Variants in SLC6A18 observed in about 807,000 individuals in gnomAD.
The protein encoded by SLC6A18 is solute carrier family 6 member 18.
SLC6A18 carries 58 observed loss-of-function variants against 62.9 expected under a neutral mutation model. That is an observed-to-expected ratio of 0.92 (90% confidence interval 0.75 to 1.15). SLC6A18 has a LOEUF of 1.15. Among genes scored for constraint, SLC6A18 ranks in the 50% most tolerant of loss-of-function variants. The pLI, the probability that SLC6A18 is intolerant of heterozygous loss-of-function variation, is 0.00. For synonymous variants in SLC6A18, 382 were observed against 365.8 expected, an observed-to-expected ratio of 1.04 and a Z score of -0.51; for missense variants, 793 against 836.6, an observed-to-expected ratio of 0.95 and a Z score of 0.64.
chr5:1,230,725 C>T (rs545759521), intron 1 of SLC6A18, among the ~76,000 whole-genome samples: 38 of 152,264 alleles, frequency 2.5e-4, no homozygotes, highest in African/African-American at 7.9e-4. Flanking sequence ...ATGCCAGGCG[C>T]GGAGACGCAC....
At chr5:1,227,003 T>A (rs1218094150) in intron 1 of SLC6A18, among the ~76,000 whole-genome samples, 1 of 116,144 alleles carries the variant, frequency 8.6e-6, no homozygotes, top group South Asian at 2.9e-4. Context: ...TGCCCACCGA[T>A]GCCTTGCCCG....
intron 3 of SLC6A18, among the ~76,000 whole-genome samples, chr5:1,233,489 G>GAAAA (rs1746791180): frequency 6.6e-6 from 1 of 151,572 alleles, no homozygotes; most frequent in African/African-American, 2.4e-5. Flanking sequence ...AAAAACAATC[G>GAAAA]AACAAACAAA....
At chr5:1,232,957 A>G in intron 3 of SLC6A18, 69 bp downstream of exon 3, 1 of 1,535,612 alleles carries the variant, frequency 6.5e-7, no homozygotes, top group Non-Finnish European at 8.8e-7. Context: ...CAGCGTGTCC[A>G]GCATCAGAGC....
intron 9 of SLC6A18, 42 bp from the exon 10 acceptor site, chr5:1,244,172 C>T (rs1402204421): frequency 1.3e-6 from 1 of 789,384 alleles, no homozygotes; most frequent in Admixed American, 2.0e-5. Context: ...CACCTCCACT[C>T]CCCATCCCCT....
chr5:1,242,981 C>T, intron 8 of SLC6A18, 118 bp downstream of exon 8: 1 of 1,221,048 alleles, frequency 8.2e-7, no homozygotes, highest in Non-Finnish European at 1.1e-6. Context: ...AGGGCCAGGG[C>T]CTGTGAACCA....
intron 4 of SLC6A18, among the ~76,000 whole-genome samples, chr5:1,236,445 C>T (rs537851813): frequency 5.3e-5 from 8 of 152,190 alleles, no homozygotes; most frequent in Non-Finnish European, 1.0e-4. Flanking sequence ...AAGCGATTAT[C>T]TTTCAAAGAG....
At chr5:1,228,948 G>GA (rs1227015394) in intron 1 of SLC6A18, among the ~76,000 whole-genome samples, 1 of 152,170 alleles carries the variant, frequency 6.6e-6, no homozygotes, top group African/African-American at 2.4e-5. Flanking sequence ...TTCAAATTCG[G>GA]AAAAAATGCA....
intron 1 of SLC6A18, among the ~76,000 whole-genome samples, chr5:1,231,809 C>T (rs1251113896): frequency 6.6e-6 from 1 of 152,196 alleles, no homozygotes; most frequent in Non-Finnish European, 1.5e-5. Context: ...TGTGATTCCG[C>T]CAGGCCCCTG....
intron 1 of SLC6A18, among the ~76,000 whole-genome samples, chr5:1,230,509 C>T (rs893446182): frequency 6.6e-6 from 1 of 152,186 alleles, no homozygotes; most frequent in Non-Finnish European, 1.5e-5. Flanking sequence ...GGACAAGAGC[C>T]GTCCGGCCCC....
chr5:1,232,531 G>A (rs1746759813), intron 2 of SLC6A18, among the ~76,000 whole-genome samples, 172 bp downstream of exon 2: 1 of 152,194 alleles, frequency 6.6e-6, no homozygotes, highest in Admixed American at 6.5e-5. Flanking sequence ...CGGTGACTCG[G>A]GGAGAATTAG....
chr5:1,233,916 T>C (rs1746810873), intron 3 of SLC6A18, among the ~76,000 whole-genome samples: 1 of 152,090 alleles, frequency 6.6e-6, no homozygotes, highest in African/African-American at 2.4e-5. Flanking sequence ...TAATTTTTTG[T>C]ATTTTTAGTA....
At chr5:1,242,250 G>C (rs1333130989) in intron 7 of SLC6A18, among the ~76,000 whole-genome samples, 1 of 152,224 alleles carries the variant, frequency 6.6e-6, no homozygotes, top group African/African-American at 2.4e-5. Context: ...CAGGGGGGTA[G>C]AGAACAGCTT....
intron 4 of SLC6A18, among the ~76,000 whole-genome samples, chr5:1,236,742 G>A (rs2126534671): frequency 6.9e-6 from 1 of 145,704 alleles, no homozygotes; most frequent in East Asian, 1.9e-4. Context: ...CAGTGTCTCA[G>A]GACGCCAGTG....
At position 1,241,450 on chromosome 5, in the gene SLC6A18, A is replaced by G. The variant is rs74829122; in HGVS notation, c.974+791A>G. Among the ~76,000 whole-genome samples the G allele has an allele frequency of 0.046, 7,013 of 152,294 alleles. 201 individuals carry two copies. The highest frequency in any genetic ancestry group is 0.13 in the Middle Eastern group (38 of 294). ...CCGAGGATACCTCGCAGCACCCTACAGTGTCCAGGACGGCCCCACCCAGAG... is the reference window on the plus strand; with the variant it reads ...CCGAGGATACCTCGCAGCACCCTACGGTGTCCAGGACGGCCCCACCCAGAG... On this transcript the variant is annotated intron_variant, in intron 7 of 11. Transcript: ENST00000324642. The surrounding 1 kb of genome is among the most constrained non-coding windows in gnomAD (Gnocchi z 7.8).
chr5:1,231,404 G>A (rs551922434), intron 1 of SLC6A18, among the ~76,000 whole-genome samples: 31 of 152,298 alleles, frequency 2.0e-4, no homozygotes, highest in African/African-American at 7.5e-4. Flanking sequence ...TGGGGGGACT[G>A]GTCCAGCCCT....
At chr5:1,232,729 C>G (rs765317118) in intron 2 of SLC6A18, 22 bp from the exon 3 acceptor site, 4 of 1,587,468 alleles carry the variant, frequency 2.5e-6, no homozygotes, top group East Asian at 2.3e-5. Context: ...CCGGGGCCAC[C>G]TGACATGGTC....
At position 1,240,659 on chromosome 5, in the gene SLC6A18, G is replaced by A. The variant is rs766539583; in HGVS notation, c.974G>A (p.Arg325Lys). 1 of 1,613,676 alleles carries A rather than the reference G, an allele frequency of 6.2e-7. No individual in the cohort carries two copies. The highest frequency in any genetic ancestry group is 1.1e-5 in the South Asian group (1 of 91,068). The change falls in exon 7 of 12, where the codon AGA (arginine) becomes AAA (lysine). Residue 325 changes from arginine (R) to lysine (K), a missense_variant and splice_region_variant. Arg to Lys is a conservative substitution (Grantham distance 26, BLOSUM62 2). Transcript: ENST00000324642. ...ATNDYEHCLDRNILSLINDFD... is the reference protein window; with the variant it reads ...ATNDYEHCLDKNILSLINDFD... ...AATGACTACGAGCACTGCCTGGACA[G>A]GTGAGCACAGGTGCCGCGCCTGGCT...
rs144577853 is a variant in SLC6A18 at position 1,231,105 on chromosome 5, A to G, written c.161-1114A>G. On this transcript the variant is annotated intron_variant, in intron 1 of 11. Transcript: ENST00000324642. ...AGAGGTCAAATTGCAGGAATCGATC[A>G]TGCCCAGCTCTGCCGCTGGGGCCAG... Among the ~76,000 whole-genome samples, 539 of 152,300 alleles carry G rather than the reference A, an allele frequency of 3.5e-3. 2 individuals are homozygous for G. Among genetic ancestry groups the G allele is most frequent in the African/African-American group, 0.012 (508 of 41,572 alleles).
In SLC6A18 at chr5:1,241,265, C is replaced by G. The variant is rs549830597; in HGVS notation, c.974+606C>G. ...TTAGAGCACCCAACTTGCTTGTGAA[C>G]TACCTTCAGGTGGGTCCTTGAGAAC... On this transcript the variant is annotated intron_variant, in intron 7 of 11. Transcript: ENST00000324642. This position sits in a 1 kb window ranked among gnomAD's most constrained non-coding sequence, Gnocchi z 7.8. Among the ~76,000 whole-genome samples, 14 of 152,344 alleles carry G rather than the reference C, an allele frequency of 9.2e-5. No individual in the cohort carries two copies. Among genetic ancestry groups the G allele is most frequent in the African/African-American group, 3.4e-4 (14 of 41,582 alleles).
Sources: gnomAD v4.1 joint callset for allele counts (sites outside exome capture counted in the v4.1 genomes callset) on GRCh38, gnomAD v4.1.1 for gene constraint, Gnocchi (gnomAD v3.1) non-coding constraint, MANE v1.5 for transcripts, NCBI Gene and HGNC (gene_info 2026-07-23, HGNC 2026-07-21) for gene names.